The following NOL4 variants were observed in gnomAD, a reference collection of about 807,000 sequenced individuals.
NOL4 encodes nucleolar protein 4, also known as cancer/testis antigen 125.
A neutral mutation model predicts 75.9 loss-of-function variants in NOL4; 17 were observed. The observed-to-expected ratio is 0.22, with a 90% CI of 0.15 to 0.34. The LOEUF (loss-of-function observed/expected upper bound fraction) is 0.34. Ranked by LOEUF, NOL4 falls within the 10% of genes least tolerant of loss-of-function variation. NOL4 has a pLI of 1.00. For missense variants in NOL4, 614 were observed against 793.5 expected (o/e 0.77, Z 2.72); for synonymous variants, 292 against 289.9 (o/e 1.01, Z -0.07).
chr18:34,223,313 A>T lies in NOL4; in HGVS notation c.-60T>A. Reference sequence around the variant, plus strand: ...AGCGCACTTCGCACCTGTTCACCCTAGGCTCATGAAAAATGCAGCCCCGGC... The same window carrying T: ...AGCGCACTTCGCACCTGTTCACCCTTGGCTCATGAAAAATGCAGCCCCGGC... On this transcript the variant is annotated 5_prime_UTR_variant, in exon 1 of 11. Coordinates refer to ENST00000261592, the MANE Select transcript of NOL4 (RefSeq NM_003787.5). 1 of 1,571,278 alleles carries T rather than the reference A, an allele frequency of 6.4e-7. No individual in the cohort carries two copies. The highest frequency in any genetic ancestry group is 8.6e-7 in the Non-Finnish European group (1 of 1,161,628).
intron 1 of NOL4, among the ~76,000 whole-genome samples, chr18:34,187,317 G>A (rs1349804326): frequency 6.9e-6 from 1 of 145,494 alleles, no homozygotes; most frequent in Non-Finnish European, 1.5e-5. Context: ...TTTTCACTTA[G>A]TAATTTGCAT....
intron 8 of NOL4, among the ~76,000 whole-genome samples, chr18:33,944,909 C>T (rs998063831): frequency 1.3e-5 from 2 of 151,744 alleles, no homozygotes; most frequent in South Asian, 2.1e-4. Flanking sequence ...TCTCATTAAC[C>T]GATGATCACT....
At chr18:34,126,865 T>G (rs888672090) in intron 2 of NOL4, among the ~76,000 whole-genome samples, 1 of 151,992 alleles carries the variant, frequency 6.6e-6, no homozygotes, top group African/African-American at 2.4e-5. Flanking sequence ...CAAACATGAG[T>G]GATATTGAGA....
chr18:34,017,552 T>C (rs1033304258), intron 6 of NOL4, among the ~76,000 whole-genome samples: 2 of 152,190 alleles, frequency 1.3e-5, no homozygotes, highest in African/African-American at 4.8e-5. Flanking sequence ...TATCTCTAGA[T>C]GTATTTGTCC....
chr18:33,939,234 T>A (rs991109422), intron 9 of NOL4, among the ~76,000 whole-genome samples: 9 of 152,118 alleles, frequency 5.9e-5, no homozygotes, highest in African/African-American at 2.2e-4. Context: ...TTGTCCTTTT[T>A]GCTTAGGATT....
chr18:34,147,464 T>C (rs2081451070), intron 1 of NOL4, among the ~76,000 whole-genome samples: 1 of 152,210 alleles, frequency 6.6e-6, no homozygotes, highest in Admixed American at 6.6e-5. Context: ...TCTCCATCTA[T>C]TGAGATAATC....
At chr18:34,029,850 C>A (rs968120081) in intron 5 of NOL4, among the ~76,000 whole-genome samples, 1 of 152,094 alleles carries the variant, frequency 6.6e-6, no homozygotes, top group Non-Finnish European at 1.5e-5. Context: ...AATAATTTTT[C>A]TTTAAAGTAC....
Position 34,173,461 on chromosome 18 carries a change from G to A in NOL4, c.265-43441C>T, listed in dbSNP as rs531922627. Among the ~76,000 whole-genome samples, 11 of 152,116 alleles carry A rather than the reference G, an allele frequency of 7.2e-5. 2 individuals carry two copies. The South Asian group carries it at 1.0e-3, about 14-fold the overall frequency. ...GATATGTTAACTTGACTATACACTTGTGCCATTACACAATGTATATGTGTA... is the reference window on the plus strand; with the variant it reads ...GATATGTTAACTTGACTATACACTTATGCCATTACACAATGTATATGTGTA... On this transcript the variant is annotated intron_variant, in intron 1 of 10. Transcript: ENST00000261592.
At chr18:34,029,796 A>T (rs949812820) in intron 5 of NOL4, among the ~76,000 whole-genome samples, 2 of 152,212 alleles carry the variant, frequency 1.3e-5, no homozygotes, top group Non-Finnish European at 2.9e-5. Context: ...ATTATTTTCT[A>T]GATAATACAA....
chr18:34,002,085 A>G (rs1243017774), intron 6 of NOL4, among the ~76,000 whole-genome samples: 1 of 152,126 alleles, frequency 6.6e-6, no homozygotes, highest in Non-Finnish European at 1.5e-5. Context: ...AGATTATTTC[A>G]AAGGCATTTT....
At chr18:34,214,965 A>G (rs917901093) in intron 1 of NOL4, among the ~76,000 whole-genome samples, 8 of 152,174 alleles carry the variant, frequency 5.3e-5, no homozygotes, top group African/African-American at 1.9e-4. Flanking sequence ...AAGTAGTTCA[A>G]TTCATATAAT....
chr18:33,933,687 TGCA>T (rs1167590264), intron 9 of NOL4, among the ~76,000 whole-genome samples: 1 of 152,190 alleles, frequency 6.6e-6, no homozygotes, highest in African/African-American at 2.4e-5. Flanking sequence ...ATCGTGAGAT[TGCA>T]GCAATTCAGT....
At chr18:34,128,111 C>G (rs528805233) in intron 2 of NOL4, among the ~76,000 whole-genome samples, 44 of 151,950 alleles carry the variant, frequency 2.9e-4, no homozygotes, top group African/African-American at 9.1e-4. Context: ...ATCAGATTCT[C>G]TACATTTCAT....
At chr18:33,938,040 A>G (rs1364953184) in intron 9 of NOL4, among the ~76,000 whole-genome samples, 3 of 152,098 alleles carry the variant, frequency 2.0e-5, no homozygotes, top group Non-Finnish European at 4.4e-5. Flanking sequence ...GTTCTAGGCT[A>G]TGGGTTTCCC....
At chr18:34,025,943 T>A (rs1444234194) in intron 5 of NOL4, among the ~76,000 whole-genome samples, 2 of 152,176 alleles carry the variant, frequency 1.3e-5, no homozygotes. Context: ...CTTCTCCCTA[T>A]GGTAATGGGT....
chr18:34,000,878 A>T (rs1040926723), intron 6 of NOL4, among the ~76,000 whole-genome samples: 7 of 152,184 alleles, frequency 4.6e-5, no homozygotes, highest in African/African-American at 1.7e-4. Context: ...TGTTATAACA[A>T]AGAAGTTATT....
chr18:34,032,055 T>G (rs1186074210), intron 5 of NOL4, among the ~76,000 whole-genome samples: 4 of 152,362 alleles, frequency 2.6e-5, no homozygotes, highest in African/African-American at 9.6e-5. Context: ...AGACAAGCCC[T>G]GGCTCTTGCC....
chr18:33,871,559 A>G (rs1204796203), intron 10 of NOL4, among the ~76,000 whole-genome samples: 2 of 152,020 alleles, frequency 1.3e-5, no homozygotes, highest in Non-Finnish European at 2.9e-5. Flanking sequence ...GGCTGTTTAA[A>G]GAAAACAACC....
At chr18:34,000,196 T>C (rs1458641872) in intron 6 of NOL4, among the ~76,000 whole-genome samples, 1 of 152,136 alleles carries the variant, frequency 6.6e-6, no homozygotes, top group Non-Finnish European at 1.5e-5. Context: ...TGACTGTCCA[T>C]GAGGAGTCTA....
Sources: gnomAD v4.1 joint callset for allele counts (sites outside exome capture counted in the v4.1 genomes callset) on GRCh38, gnomAD v4.1.1 for gene constraint, MANE v1.5 for transcripts, NCBI Gene and HGNC (gene_info 2026-07-23, HGNC 2026-07-21) for gene names.